SMAD6: variants seen among roughly 807,000 people sequenced by gnomAD.
The protein encoded by SMAD6 is MAD homolog 6.
Under a neutral mutation model 39.4 loss-of-function variants are expected in SMAD6, and 103 were observed. The observed-to-expected ratio is 2.62, with a 90% CI of 2.23 to 3.08. The LOEUF (loss-of-function observed/expected upper bound fraction) is 3.08, where lower values mean the gene tolerates loss of function less well. Among genes scored for constraint, SMAD6 ranks in the 30% most tolerant of loss-of-function variants. The probability of loss-of-function intolerance (pLI) is 0.00; values close to 1 mark genes in which losing one functional copy is unlikely to be tolerated. For synonymous variants in SMAD6, 445 were observed against 353.3 expected (o/e 1.26, Z -2.91); for missense variants, 1,104 against 742.9 (o/e 1.49, Z -5.65).
At chr15:66,714,558 C>T (rs543384785) in intron 2 of SMAD6, among the ~76,000 whole-genome samples, 1 of 152,132 alleles carries the variant, frequency 6.6e-6, no homozygotes, top group South Asian at 2.1e-4. Context: ...CCGTATAGTT[C>T]ACAAAGCTGA....
chr15:66,769,675 A>C (rs1894347666), intron 3 of SMAD6, among the ~76,000 whole-genome samples: 1 of 152,150 alleles, frequency 6.6e-6, no homozygotes, highest in African/African-American at 2.4e-5. Flanking sequence ...ATTTTTAGGT[A>C]CTTTGCTTTT....
rs1373099202 is a variant in SMAD6 at position 66,750,627 on chromosome 15, G to GT, written c.953-30370_953-30369insT. ...AAATTCAAGTGCCCGGTTTATTGAG[G>GT]CGGGGGGTTGACCAGGAAACAGCAG... On this transcript the variant is annotated intron_variant, in intron 3 of 3. Transcript: ENST00000288840. Among the ~76,000 whole-genome samples, 292 of 84,530 alleles carry GT rather than the reference G, an allele frequency of 3.5e-3. 1 individual carries two copies. Among genetic ancestry groups the GT allele is most frequent in the African/African-American group, 9.6e-3 (285 of 29,756 alleles). The allele number at this position is 84,530 out of a possible 152,430, so 55.5% of individuals were successfully genotyped here.
intron 3 of SMAD6, among the ~76,000 whole-genome samples, chr15:66,769,197 C>T (rs77239741): frequency 0.014 from 2,193 of 152,252 alleles, 29 homozygotes; most frequent in Admixed American, 0.021. Context: ...CTGGCAGGGC[C>T]GACTCCGCGG....
At position 66,714,632 on chromosome 15, in the gene SMAD6, T is replaced by A. The variant is rs1353668189; in HGVS notation, c.875-1789T>A. ...AGCCCTGATGTTGCTTGACTCATAG[T>A]GGAGGCGGGACCTGAACCTGGAGCT... On this transcript the variant is annotated intron_variant, in intron 2 of 3. Coordinates refer to ENST00000288840, the MANE Select transcript of SMAD6 (RefSeq NM_005585.5). Among the ~76,000 whole-genome samples, 3 of 152,212 alleles carry A rather than the reference T, an allele frequency of 2.0e-5. No individual in the cohort carries two copies. The East Asian group carries it at 5.8e-4, about 29-fold the overall frequency.
Position 66,703,591 on chromosome 15 carries a change from A to G in SMAD6, c.333A>G (p.Gly111=). 1 of 1,226,792 alleles carries G rather than the reference A, an allele frequency of 8.2e-7. No homozygotes were observed. Among genetic ancestry groups the G allele is most frequent in the South Asian group, 4.1e-5 (1 of 24,562 alleles). 76.0% of individuals were successfully genotyped at this position (1,226,792 alleles called of 1,614,324 possible). A position where few individuals can be genotyped will look rare whatever the true frequency, so the allele number is the denominator to read the frequency against. The part of the protein sequence containing the change: ...GSSLLDVAEP[G]GPGWLPESDC... ...CCCTGCTGGACGTGGCGGAGCCGGG[A>G]GGCCCGGGCTGGCTGCCCGAGAGTG... The change falls in exon 1 of 4, where the codon GGA becomes GGG. Residue 111 remains glycine (G), a synonymous_variant. Transcript: ENST00000288840.
At chr15:66,737,515 G>T (rs1595779364) in intron 3 of SMAD6, among the ~76,000 whole-genome samples, 2 of 152,260 alleles carry the variant, frequency 1.3e-5, no homozygotes, top group Admixed American at 6.5e-5. Flanking sequence ...CTTGGCACAT[G>T]GGTGTTGAAT....
rs780612769 is a variant in SMAD6 at position 66,781,405 on chromosome 15, C to T, written c.1361C>T (p.Ala454Val). Residue 454 changes from alanine to valine, a missense_variant, in exon 4 of 4, where the codon GCC becomes GTC. Transcript: ENST00000288840. ...CTGCAGCACGCGCCCGAGCCCGACGCCGCCGACGGCCCCTACGACCCCAAC... is the reference window on the plus strand; with the variant it reads ...CTGCAGCACGCGCCCGAGCCCGACGTCGCCGACGGCCCCTACGACCCCAAC... ...SGLQHAPEPD[A>V]ADGPYDPNSV... is the part of the protein sequence containing the mutation. The T allele has an allele frequency of 6.2e-7, 1 of 1,603,428 alleles. No individual in the cohort carries two copies. Among genetic ancestry groups the T allele is most frequent in the Non-Finnish European group, 8.5e-7 (1 of 1,177,968 alleles).
At chr15:66,743,319 T>C (rs1384571317) in intron 3 of SMAD6, among the ~76,000 whole-genome samples, 2 of 152,112 alleles carry the variant, frequency 1.3e-5, no homozygotes, top group Non-Finnish European at 2.9e-5. Flanking sequence ...CGGACTGCAT[T>C]CTCTTGGAGT....
At position 66,781,561 on chromosome 15, in the gene SMAD6, T is replaced by G. The variant is rs994002119; in HGVS notation, c.*26T>G. 6.1e-5 allele frequency: 75 copies of G among 1,228,090 alleles called. No individual in the cohort carries two copies. Among genetic ancestry groups the G allele is most frequent in the Middle Eastern group, 2.3e-4 (1 of 4,424 alleles). The allele number at this position is 1,228,090 out of a possible 1,614,324, so 76.1% of individuals were successfully genotyped here. ...TGGCGGCCCCGGCGGGAGGGGCGGG[T>G]GGGAGGCCGCGGCCACCGCCACCTG... is the stretch of plus-strand genomic sequence containing the variant. On this transcript the variant is annotated 3_prime_UTR_variant, in exon 4 of 4. Transcript: ENST00000288840.
chr15:66,774,767 T>C (rs909229525), intron 3 of SMAD6, among the ~76,000 whole-genome samples: 1 of 152,240 alleles, frequency 6.6e-6, no homozygotes, highest in Non-Finnish European at 1.5e-5. Context: ...ATTTCCATCA[T>C]GCTGGAAAGT....
intron 3 of SMAD6, among the ~76,000 whole-genome samples, chr15:66,725,718 A>G (rs1258833039): frequency 1.3e-5 from 2 of 152,182 alleles, no homozygotes; most frequent in Non-Finnish European, 2.9e-5. Context: ...CTCAGCAGCC[A>G]TGGGAGACAG....
chr15:66,772,987 C>T (rs1010926907), intron 3 of SMAD6, among the ~76,000 whole-genome samples: 2 of 152,216 alleles, frequency 1.3e-5, no homozygotes, highest in African/African-American at 2.4e-5. Context: ...TCCCATCACA[C>T]TCCCTGTCTT....
chr15:66,716,295 G>T, intron 2 of SMAD6, 126 bp from the exon 3 acceptor site: 2 of 705,582 alleles, frequency 2.8e-6, no homozygotes, highest in Admixed American at 4.3e-5. Context: ...AGTTGGGAGG[G>T]ACATGCTGCC....
At chr15:66,714,665 G>A (rs990941147) in intron 2 of SMAD6, among the ~76,000 whole-genome samples, 6 of 152,198 alleles carry the variant, frequency 3.9e-5, no homozygotes, top group Non-Finnish European at 5.9e-5. Context: ...GCTCCAACTT[G>A]CAGATGGAGT....
chr15:66,772,364 C>A (rs1894393732), intron 3 of SMAD6, among the ~76,000 whole-genome samples: 1 of 152,102 alleles, frequency 6.6e-6, no homozygotes, highest in Non-Finnish European at 1.5e-5. Flanking sequence ...TCAGACACTG[C>A]CTGGTATTTG....
At chr15:66,773,570 G>A (rs1206795395) in intron 3 of SMAD6, among the ~76,000 whole-genome samples, 1 of 152,166 alleles carries the variant, frequency 6.6e-6, no homozygotes, top group Non-Finnish European at 1.5e-5. Flanking sequence ...GGCTTTAAAA[G>A]GGGTGTTAGG....
chr15:66,736,920 G>A (rs1191273602), intron 3 of SMAD6, among the ~76,000 whole-genome samples: 1 of 152,070 alleles, frequency 6.6e-6, no homozygotes, highest in Non-Finnish European at 1.5e-5. Flanking sequence ...CACCCACCTC[G>A]GCCTCCCAAA....
At chr15:66,770,326 AGCCTGATGTAAGAACCGGCGCG>A (rs928065231) in intron 3 of SMAD6, among the ~76,000 whole-genome samples, 2 of 152,174 alleles carry the variant, frequency 1.3e-5, no homozygotes, top group Non-Finnish European at 2.9e-5. Flanking sequence ...ACTCAGGCCC[AGCCTGATGTAAGAACCGGCGCG>A]GCCTGATGTA....
chr15:66,764,777 CCTT>C (rs1595795413), intron 3 of SMAD6, among the ~76,000 whole-genome samples: 1 of 152,160 alleles, frequency 6.6e-6, no homozygotes, highest in African/African-American at 2.4e-5. Context: ...TCATTTTTGT[CCTT>C]CTTTGATCTC....
Sources: gnomAD v4.1 joint callset for allele counts (sites outside exome capture counted in the v4.1 genomes callset) on GRCh38, gnomAD v4.1.1 for gene constraint, MANE v1.5 for transcripts, NCBI Gene and HGNC (gene_info 2026-07-23, HGNC 2026-07-21) for gene names.